The following HUNK variants were observed in gnomAD, a reference collection of about 807,000 sequenced individuals.
HUNK encodes hormonally up-regulated Neu-associated kinase.
HUNK carries 21 observed loss-of-function variants against 61.0 expected under a neutral mutation model. The observed-to-expected ratio is 0.34, with a 90% CI of 0.24 to 0.50. The LOEUF (loss-of-function observed/expected upper bound fraction) is 0.50, where lower values mean the gene tolerates loss of function less well. HUNK is among the 20% of genes least tolerant of loss of function. The pLI, the probability that HUNK is intolerant of heterozygous loss-of-function variation, is 0.98. For synonymous variants in HUNK, 371 were observed against 386.1 expected (o/e 0.96, Z 0.46); for missense variants, 772 against 945.7 (o/e 0.82, Z 2.41).
At chr21:31,965,658 A>G (rs2052960918) in intron 5 of HUNK, among the ~76,000 whole-genome samples, 1 of 147,016 alleles carries the variant, frequency 6.8e-6, no homozygotes. Flanking sequence ...CTGGAGTGCA[A>G]TGGCGTGATC....
chr21:31,953,794 AT>A (rs891080115), intron 4 of HUNK, among the ~76,000 whole-genome samples: 28 of 150,344 alleles, frequency 1.9e-4, no homozygotes, highest in South Asian at 6.3e-4. Context: ...ATTTGTGACA[AT>A]TTTTTTTTTC....
At chr21:31,920,294 G>T (rs1046968897) in intron 1 of HUNK, among the ~76,000 whole-genome samples, 3 of 152,202 alleles carry the variant, frequency 2.0e-5, no homozygotes, top group Admixed American at 6.5e-5. Context: ...CTTCTGCAAA[G>T]ACCCTTTTTC....
chr21:31,874,402 G>T (rs1261983697), intron 1 of HUNK, among the ~76,000 whole-genome samples: 1 of 152,120 alleles, frequency 6.6e-6, no homozygotes, highest in East Asian at 1.9e-4. Flanking sequence ...CCCGTCCTGG[G>T]CTCTCGGAGG....
chr21:31,944,279 A>G (rs369306604), intron 3 of HUNK, among the ~76,000 whole-genome samples: 4 of 152,334 alleles, frequency 2.6e-5, no homozygotes, highest in South Asian at 4.2e-4. Context: ...GGGTTTCGCC[A>G]TGTTGCCCAG....
intron 5 of HUNK, 78 bp downstream of exon 5, chr21:31,959,048 T>G (rs2052909924): frequency 1.5e-5 from 20 of 1,349,070 alleles, no homozygotes; most frequent in Non-Finnish European, 2.0e-5. Flanking sequence ...AAACAGTATT[T>G]GTTTTGCAGT....
At chr21:31,947,297 T>C (rs1325669380) in intron 4 of HUNK, among the ~76,000 whole-genome samples, 14 of 142,234 alleles carry the variant, frequency 9.8e-5, no homozygotes, top group African/African-American at 3.6e-4. Context: ...CTCAAGCCAG[T>C]GGCGCCTGCG....
chr21:31,945,971 G>T (rs2123831106), intron 3 of HUNK, 65 bp from the exon 4 acceptor site: 3 of 1,477,528 alleles, frequency 2.0e-6, no homozygotes, highest in Admixed American at 2.0e-5. Flanking sequence ...TTTTCCTTTT[G>T]TTCCTCCCTC....
intron 1 of HUNK, among the ~76,000 whole-genome samples, chr21:31,882,453 C>T (rs2052314949): frequency 6.6e-6 from 1 of 152,190 alleles, no homozygotes; most frequent in Admixed American, 6.5e-5. Context: ...CCTTCTAGTC[C>T]TTGTGTATCC....
chr21:31,928,575 A>G (rs1281084953), intron 2 of HUNK, among the ~76,000 whole-genome samples: 8 of 152,232 alleles, frequency 5.3e-5, no homozygotes. Context: ...AAGTTAGAGA[A>G]GACTGGAGAT....
chr21:31,892,065 A>G (rs2052390953), intron 1 of HUNK, among the ~76,000 whole-genome samples: 1 of 151,702 alleles, frequency 6.6e-6, no homozygotes, highest in African/African-American at 2.4e-5. Context: ...TCTTGGGCAC[A>G]GTGTTCAAAA....
At chr21:31,984,175 A>G (rs929268090) in intron 8 of HUNK, among the ~76,000 whole-genome samples, 2 of 152,180 alleles carry the variant, frequency 1.3e-5, no homozygotes, top group Admixed American at 6.5e-5. Flanking sequence ...GTGGCACTGT[A>G]GGGTGACTAT....
intron 8 of HUNK, among the ~76,000 whole-genome samples, chr21:31,988,976 A>T (rs988388502): frequency 1.3e-5 from 2 of 151,940 alleles, no homozygotes; most frequent in East Asian, 3.9e-4. Context: ...GACTACAGGC[A>T]TGCACCATTA....
chr21:31,924,288 G>T lies in HUNK; in HGVS notation c.262-180G>T, dbSNP rs911680496. On this transcript the variant is annotated intron_variant, in intron 1 of 10. Coordinates refer to ENST00000270112, the MANE Select transcript of HUNK (RefSeq NM_014586.2). The surrounding 1 kb of genome is among the most constrained non-coding windows in gnomAD (Gnocchi z 5.1). ...TATATGTGTGTGTGTGTGTGTGTTT[G>T]TGTGGTATATGCATAAATATAAATG... Among the ~76,000 whole-genome samples, 4 of 151,888 alleles carry T rather than the reference G, an allele frequency of 2.6e-5. No homozygotes were observed. Among genetic ancestry groups the T allele is most frequent in the Admixed American group, 2.6e-4 (4 of 15,234 alleles).
intron 1 of HUNK, among the ~76,000 whole-genome samples, chr21:31,906,972 C>T (rs1204021459): frequency 2.0e-5 from 3 of 151,950 alleles, no homozygotes; most frequent in African/African-American, 4.8e-5. Flanking sequence ...GTCAGGAGTT[C>T]GAGACCAGCC....
chr21:31,995,331 G>T (rs1050699422), intron 9 of HUNK, among the ~76,000 whole-genome samples: 6 of 152,184 alleles, frequency 3.9e-5, no homozygotes, highest in African/African-American at 1.2e-4. Flanking sequence ...TGGCTTGACT[G>T]CCCCAAATAG....
intron 8 of HUNK, among the ~76,000 whole-genome samples, chr21:31,988,188 G>A (rs1277368217): frequency 1.3e-5 from 2 of 152,092 alleles, no homozygotes; most frequent in Non-Finnish European, 2.9e-5. Context: ...ATCTGAGGAG[G>A]ACACCTATCG....
In HUNK at chr21:31,897,075, T is replaced by C. The variant is rs903010469; in HGVS notation, c.261+23140T>C. Among the ~76,000 whole-genome samples, 5 of 152,156 alleles carry C rather than the reference T, an allele frequency of 3.3e-5. No homozygotes were observed. In the East Asian group the frequency reaches 9.6e-4, roughly 29 times the overall value. On this transcript the variant is annotated intron_variant, in intron 1 of 10. Transcript: ENST00000270112. ...GCCTGGGCAACATGGGGAGACCCTG[T>C]GTCTACAAAAATACAAAAATTACCC...
At chr21:31,970,334 C>T (rs1298525554) in intron 6 of HUNK, among the ~76,000 whole-genome samples, 1 of 152,188 alleles carries the variant, frequency 6.6e-6, no homozygotes. Context: ...GAGGTGGTTT[C>T]ACTCCGTTGC....
In HUNK at chr21:31,900,205, T is replaced by C. The variant is rs1159497445; in HGVS notation, c.262-24263T>C. On this transcript the variant is annotated intron_variant, in intron 1 of 10. Coordinates refer to ENST00000270112, the MANE Select transcript of HUNK (RefSeq NM_014586.2). ...CTAATTGCCTAGAAATGAACTCTAA[T>C]GAGTCCACAAACTCTCCAGGCCCAC... is the stretch of plus-strand genomic sequence containing the variant. Among the ~76,000 whole-genome samples the C allele has an allele frequency of 2.0e-5, 3 of 152,282 alleles. No individual in the cohort carries two copies. The South Asian group carries it at 6.2e-4, about 32-fold the overall frequency.
Sources: allele counts gnomAD v4.1 joint callset (sites outside exome capture counted in the v4.1 genomes callset), GRCh38; gene constraint gnomAD v4.1.1; non-coding constraint Gnocchi (gnomAD v3.1); transcripts MANE v1.5; gene names NCBI Gene and HGNC (gene_info 2026-07-23, HGNC 2026-07-21).